ARRB2: variants seen among roughly 807,000 people sequenced by gnomAD.
The protein encoded by ARRB2 is beta-arrestin-2.
ARRB2 carries 21 observed loss-of-function variants against 53.4 expected under a neutral mutation model. The ratio of observed to expected loss-of-function variants is 0.39; its 90% confidence interval spans 0.28 to 0.57. ARRB2 has a LOEUF of 0.57. ARRB2 is among the 20% of genes least tolerant of loss of function. The pLI is 0.55. For missense variants in ARRB2, 369 were observed against 527.5 expected (o/e 0.70, Z 2.94); for synonymous variants, 180 against 212.9 (o/e 0.85, Z 1.34).
chr17:4,717,575 C>T lies in ARRB2; in HGVS notation c.418-110C>T. On this transcript the variant is annotated intron_variant, in intron 6 of 14. Coordinates refer to ENST00000269260, the MANE Select transcript of ARRB2 (RefSeq NM_004313.4). The surrounding 1 kb of genome is among the most constrained non-coding windows in gnomAD (Gnocchi z 6.0). ...AGACTTAGTCCCCAGGGTCGTGAGA[C>T]CACAATGAGGCAAGAGTCCCTGCCC... 1 of 1,432,228 alleles carries T rather than the reference C, an allele frequency of 7.0e-7. No individual in the cohort carries two copies. 88.7% of individuals were successfully genotyped at this position (1,432,228 alleles called of 1,614,324 possible). A position where few individuals can be genotyped will look rare whatever the true frequency, so the allele number is the denominator to read the frequency against.
rs752738102 is a variant in ARRB2, at chr17:4,721,449, G to A, written c.*410G>A. On this transcript the variant is annotated 3_prime_UTR_variant, in exon 15 of 15. Transcript: ENST00000269260. The surrounding 1 kb of genome is among the most constrained non-coding windows in gnomAD (Gnocchi z 4.2). ...GAGGAGACCCTTTGGGGACAAGGCC[G>A]TTTCTTTGTTTCTGAGCATAAAGAA... 36 of 396,224 alleles carry A rather than the reference G, an allele frequency of 9.1e-5. No individual in the cohort carries two copies. Among genetic ancestry groups the A allele is most frequent in the African/African-American group, 6.8e-4 (33 of 48,496 alleles). 24.5% of individuals were successfully genotyped at this position (396,224 alleles called of 1,614,324 possible). A position where few individuals can be genotyped will look rare whatever the true frequency, so the allele number is the denominator to read the frequency against.
At position 4,710,714 on chromosome 17, in the gene ARRB2, C is replaced by G; in HGVS notation, c.-8C>G. ...CCGCGAACCGAGCGGGCGGCGGGCG[C>G]GCGCACCATGGGGGAGAAACCCGGG... On this transcript the variant is annotated 5_prime_UTR_variant, in exon 1 of 15. Coordinates refer to ENST00000269260, the MANE Select transcript of ARRB2 (RefSeq NM_004313.4). 1 of 398,602 alleles carries G rather than the reference C, an allele frequency of 2.5e-6. No individual in the cohort carries two copies. The highest frequency in any genetic ancestry group is 4.4e-6 in the Non-Finnish European group (1 of 226,160). The allele number at this position is 398,602 out of a possible 1,614,324, so 24.7% of individuals were successfully genotyped here. A position where few individuals can be genotyped will look rare whatever the true frequency, so the allele number is the denominator to read the frequency against.
chr17:4,717,484 G>T lies in ARRB2; in HGVS notation c.418-201G>T, dbSNP rs1915193636. 2.3e-6 allele frequency: 2 copies of T among 877,422 alleles called. No homozygotes were observed. The highest frequency in any genetic ancestry group is 5.2e-5 in the East Asian group (2 of 38,358). 54.4% of individuals were successfully genotyped at this position (877,422 alleles called of 1,614,324 possible). ...CTCTGTGGACCCGCATGGATCTGGG[G>T]ATGGGGGCTCCCCTTGCACTACCAT... On this transcript the variant is annotated intron_variant, in intron 6 of 14. Transcript: ENST00000269260. This position sits in a 1 kb window ranked among gnomAD's most constrained non-coding sequence, Gnocchi z 6.0.
At chr17:4,715,070 T>G (rs776289836) in intron 2 of ARRB2, 27 bp downstream of exon 2, 1 of 1,601,002 alleles carries the variant, frequency 6.2e-7, no homozygotes, top group Non-Finnish European at 8.5e-7. Context: ...CTTACCCTTT[T>G]GACCCTCCCT....
chr17:4,720,840 T>A, intron 14 of ARRB2, 106 bp from the exon 15 acceptor site: 1 of 1,238,448 alleles, frequency 8.1e-7, no homozygotes, highest in South Asian at 1.3e-5. Flanking sequence ...CCACTGCTGT[T>A]CGAACGCCTC....
At chr17:4,720,703 G>C (rs1915617270) in intron 14 of ARRB2, 63 bp downstream of exon 14, 2 of 1,387,984 alleles carry the variant, frequency 1.4e-6, no homozygotes, top group Non-Finnish European at 2.0e-6. Flanking sequence ...ATTCAAATCT[G>C]CCCTCATACC....
Position 4,720,445 on chromosome 17 carries a change from C to A in ARRB2, c.1054C>A (p.His352Asn). 3 of 1,613,600 alleles carry A rather than the reference C, an allele frequency of 1.9e-6. No individual in the cohort carries two copies. Among genetic ancestry groups the A allele is most frequent in the Non-Finnish European group, 2.5e-6 (3 of 1,179,724 alleles). ...TCTTATGCACCCCAAGCCCCACGAC[C>A]ACATCCCCCTCCCCAGACCCCAGTC... ...FVLMHPKPHDHIPLPRPQSAA... is the reference protein window; with the variant it reads ...FVLMHPKPHDNIPLPRPQSAA... The change falls in exon 13 of 15, where the codon CAC becomes AAC. Residue 352 changes from histidine to asparagine, a missense_variant. Transcript: ENST00000269260.
At chr17:4,710,841 G>A (rs913264563) in intron 1 of ARRB2, 97 bp downstream of exon 1, 5 of 397,232 alleles carry the variant, frequency 1.3e-5, no homozygotes, top group Non-Finnish European at 2.2e-5. Flanking sequence ...GGATCTGGGG[G>A]CCGGACGCCT....
At chr17:4,713,185 C>T (rs1196769316) in intron 1 of ARRB2, among the ~76,000 whole-genome samples, 1 of 150,728 alleles carries the variant, frequency 6.6e-6, no homozygotes, top group East Asian at 2.0e-4. Flanking sequence ...GGGGAAACCT[C>T]GTCTCTACTA....
rs1213451351 is a variant in ARRB2, at chr17:4,716,439, G to A, written c.188G>A (p.Arg63His). 1.1e-5 allele frequency: 17 copies of A among 1,614,158 alleles called. No homozygotes were observed. The highest frequency in any genetic ancestry group is 3.3e-5 in the South Asian group (3 of 91,082). Residue 63 changes from arginine (R) to histidine (H), a missense_variant, in exon 5 of 15, where the codon CGC becomes CAC. Coordinates refer to ENST00000269260, the MANE Select transcript of ARRB2 (RefSeq NM_004313.4). Reference sequence around the variant, plus strand: ...TTTGTGACCCTCACCTGCGCCTTCCGCTATGGCCGTGAAGACCTGGATGTG... The same window carrying A: ...TTTGTGACCCTCACCTGCGCCTTCCACTATGGCCGTGAAGACCTGGATGTG... ...KVFVTLTCAF[R>H]YGREDLDVLG...
chr17:4,720,680 A>G, intron 14 of ARRB2, 40 bp downstream of exon 14: 3 of 1,480,534 alleles, frequency 2.0e-6, no homozygotes, highest in Non-Finnish European at 2.7e-6. Flanking sequence ...CTTGGGACAA[A>G]GATTCCTATA....
intron 5 of ARRB2, 150 bp downstream of exon 5, chr17:4,716,758 G>T: frequency 7.2e-7 from 1 of 1,395,990 alleles, no homozygotes; most frequent in Non-Finnish European, 9.4e-7. Context: ...GTGCATTCAG[G>T]AAGCCCTTGA....
In ARRB2 at chr17:4,710,703, G is replaced by C. The variant is rs1055712695; in HGVS notation, c.-19G>C. The stretch of plus-strand genomic sequence containing the variant: ...CTGCGAGCGAGCCGCGAACCGAGCG[G>C]GCGGCGGGCGCGCGCACCATGGGGG... On this transcript the variant is annotated 5_prime_UTR_variant, in exon 1 of 15. Transcript: ENST00000269260. The C allele has an allele frequency of 5.5e-5, 22 of 398,828 alleles. No individual in the cohort carries two copies. The highest frequency in any genetic ancestry group is 9.3e-5 in the Non-Finnish European group (21 of 226,196). 24.7% of individuals were successfully genotyped at this position (398,828 alleles called of 1,614,324 possible).
intron 1 of ARRB2, among the ~76,000 whole-genome samples, chr17:4,711,005 A>C (rs1914338753): frequency 6.6e-6 from 1 of 151,944 alleles, no homozygotes. Context: ...GGGCCAGACT[A>C]CTGGGCTCTC....
intron 4 of ARRB2, 70 bp from the exon 5 acceptor site, chr17:4,716,342 A>G (rs1915025888): frequency 1.2e-6 from 2 of 1,612,398 alleles, no homozygotes; most frequent in African/African-American, 2.7e-5. Context: ...AGGGAGGAGC[A>G]GCGGCTGCTA....
chr17:4,715,357 C>G (rs1056126343), intron 2 of ARRB2: 5 of 432,144 alleles, frequency 1.2e-5, no homozygotes, highest in African/African-American at 4.0e-5. Flanking sequence ...CTGGGAAAAC[C>G]TAACAGCCCC....
chr17:4,718,524 G>A, intron 9 of ARRB2, 88 bp from the exon 10 acceptor site: 1 of 1,386,278 alleles, frequency 7.2e-7, no homozygotes, highest in African/African-American at 1.4e-5. Flanking sequence ...TGGGGAGCAT[G>A]GGGGGGCCAC....
Position 4,717,774 on chromosome 17 carries a change from G to A in ARRB2, c.485+22G>A. 1.9e-6 allele frequency: 3 copies of A among 1,614,090 alleles called. No homozygotes were observed. Among genetic ancestry groups the A allele is most frequent in the Non-Finnish European group, 2.5e-6 (3 of 1,179,932 alleles). Reference sequence around the variant, plus strand: ...AAAGGTAAGGGAAGTGACCTCCTCTGTGGTGTAAGAGGAGGCTTTCCTCCC... The same window carrying A: ...AAAGGTAAGGGAAGTGACCTCCTCTATGGTGTAAGAGGAGGCTTTCCTCCC... On this transcript the variant is annotated intron_variant, in intron 7 of 14. Coordinates refer to ENST00000269260, the MANE Select transcript of ARRB2 (RefSeq NM_004313.4). This position sits in a 1 kb window ranked among gnomAD's most constrained non-coding sequence, Gnocchi z 6.0.
Position 4,719,326 on chromosome 17 carries a change from A to G in ARRB2, c.823A>G (p.Ile275Val), listed in dbSNP as rs374123024. 1.9e-6 allele frequency: 3 copies of G among 1,614,162 alleles called. No homozygotes were observed. The highest frequency in any genetic ancestry group is 2.5e-6 in the Non-Finnish European group (3 of 1,179,992). ...CTCCACATTCTGTAAGGTGTACACCATAACCCCACTGCTCAGCGACAACCG... is the reference window on the plus strand; with the variant it reads ...CTCCACATTCTGTAAGGTGTACACCGTAACCCCACTGCTCAGCGACAACCG... ...PSSTFCKVYTITPLLSDNREK... is the reference protein window; with the variant it reads ...PSSTFCKVYTVTPLLSDNREK... Residue 275 changes from isoleucine to valine, a missense_variant, in exon 11 of 15, where the codon ATA becomes GTA. By Grantham distance (29) the Ile-to-Val change is conservative (BLOSUM62 3). Coordinates refer to ENST00000269260, the MANE Select transcript of ARRB2 (RefSeq NM_004313.4).
Sources: allele counts gnomAD v4.1 joint callset (sites outside exome capture counted in the v4.1 genomes callset), GRCh38; gene constraint gnomAD v4.1.1; non-coding constraint Gnocchi (gnomAD v3.1); transcripts MANE v1.5; gene names NCBI Gene and HGNC (gene_info 2026-07-23, HGNC 2026-07-21).